The following PPP2R2D variants were observed in gnomAD, a reference collection of about 807,000 sequenced individuals.
The protein encoded by PPP2R2D is serine/threonine-protein phosphatase 2A 55 kDa regulatory subunit B delta isoform.
In PPP2R2D, 9 loss-of-function variants were observed where a neutral mutation model predicts 31.1. That is an observed-to-expected ratio of 0.29 (90% CI 0.17 to 0.51). The LOEUF (loss-of-function observed/expected upper bound fraction) is 0.51. Among genes scored for constraint, PPP2R2D ranks in the 20% least tolerant of loss-of-function variants. PPP2R2D has a pLI of 0.98. For missense variants in PPP2R2D, 391 were observed against 465.6 expected, an observed-to-expected ratio of 0.84 and a Z score of 1.48; for synonymous variants, 179 against 172.6, an observed-to-expected ratio of 1.04 and a Z score of -0.29.
chr10:131,960,302 GCA>G (rs1554901252), downstream of PPP2R2D, among the ~76,000 whole-genome samples: 1 of 152,244 alleles, frequency 6.6e-6, no homozygotes, highest in African/African-American at 2.4e-5. Context: ...TTAATGCTGA[GCA>G]CAGTTTTCAT....
At position 131,901,020 on chromosome 10, in the gene PPP2R2D, C is replaced by CGGCGGCGGCGGCGG. The variant is rs2035477974; in HGVS notation, c.-129_-128insGGCGGCGGCGGCGG. 1 of 153,606 alleles carries CGGCGGCGGCGGCGG rather than the reference C, an allele frequency of 6.5e-6. No individual in the cohort carries two copies. Among genetic ancestry groups the CGGCGGCGGCGGCGG allele is most frequent in the Admixed American group, 6.7e-5 (1 of 14,856 alleles). The allele number at this position is 153,606 out of a possible 1,614,324, so 9.5% of individuals were successfully genotyped here. On this transcript the variant is annotated 5_prime_UTR_variant, in exon 1 of 9. Transcript: ENST00000455566. ...TTTGAAAAGGGAAAAAAATCCCTCCCCGGCGGCGGCGGCGGCGGCGGCGGC... is the reference window on the plus strand; with the variant it reads ...TTTGAAAAGGGAAAAAAATCCCTCCCGGCGGCGGCGGCGGCGGCGGCGGCGGCGGCGGCGGCGGC...
intron 2 of PPP2R2D, among the ~76,000 whole-genome samples, chr10:131,910,938 C>G (rs1278119273): frequency 6.6e-6 from 1 of 152,140 alleles, no homozygotes; most frequent in Non-Finnish European, 1.5e-5. Context: ...GGAGGGGGGC[C>G]CACCCAGAGA....
chr10:131,907,008 T>C (rs2035600008), intron 2 of PPP2R2D, among the ~76,000 whole-genome samples: 1 of 151,826 alleles, frequency 6.6e-6, no homozygotes, highest in Admixed American at 6.6e-5. Context: ...GTGTGTCTTT[T>C]ATATATAATC....
chr10:131,932,375 G>GA (rs1282817201), intron 2 of PPP2R2D, among the ~76,000 whole-genome samples: 22 of 152,230 alleles, frequency 1.4e-4, no homozygotes, highest in African/African-American at 5.3e-4. Flanking sequence ...GAAGTTTATG[G>GA]TAGTTTAAAA....
intron 5 of PPP2R2D, among the ~76,000 whole-genome samples, chr10:131,941,876 G>A (rs924289263): frequency 6.6e-6 from 1 of 152,192 alleles, no homozygotes; most frequent in African/African-American, 2.4e-5. Flanking sequence ...TCATCAAAGC[G>A]AGAAAGGCTG....
chr10:131,953,331 ACTGTCTTAGTGACTTCCAGTTGTGCGG>A (rs1554899341), intron 8 of PPP2R2D, among the ~76,000 whole-genome samples: 21,622 of 97,572 alleles, frequency 0.22, 2,993 homozygotes, highest in East Asian at 0.3. Flanking sequence ...GCGGGGGTTC[ACTGTCTTAGTGACTTCCAGTTGTGCGG>A]GGGGTTCACT....
chr10:131,949,728 A>C (rs1313731811), intron 8 of PPP2R2D, among the ~76,000 whole-genome samples: 2 of 152,070 alleles, frequency 1.3e-5, no homozygotes. Context: ...TCTAGAAATG[A>C]CAAGTATGAT....
At chr10:131,921,489 A>T (rs1238755634) in intron 2 of PPP2R2D, among the ~76,000 whole-genome samples, 1 of 151,980 alleles carries the variant, frequency 6.6e-6, no homozygotes, top group Admixed American at 6.6e-5. Flanking sequence ...CTGGACCGGG[A>T]TGGGGGATGG....
At chr10:131,951,921 G>C (rs977802298) in intron 8 of PPP2R2D, among the ~76,000 whole-genome samples, 3 of 152,262 alleles carry the variant, frequency 2.0e-5, no homozygotes, top group Non-Finnish European at 2.9e-5. Flanking sequence ...TGGGATAGGA[G>C]ACCATCTTTC....
chr10:131,958,694 T>A lies in PPP2R2D; in HGVS notation c.*2731T>A. 1 of 261,100 alleles carries A rather than the reference T, an allele frequency of 3.8e-6. No homozygotes were observed. Among genetic ancestry groups the A allele is most frequent in the Non-Finnish European group, 7.4e-6 (1 of 135,698 alleles). The allele number at this position is 261,100 out of a possible 1,614,324, so 16.2% of individuals were successfully genotyped here. ...GATGTGTGCTGATCCCCCGTCCTCC[T>A]GTGGAGATGAAGGTGTGTGCTGCTT... On this transcript the variant is annotated 3_prime_UTR_variant, in exon 9 of 9. Transcript: ENST00000455566.
At chr10:131,965,345 A>AT in the PPP2R2D span, among the ~76,000 whole-genome samples, 14 of 152,314 alleles carry the variant, frequency 9.2e-5, no homozygotes, top group East Asian at 9.7e-4. Flanking sequence ...GGGCCCAGAA[A>AT]GTGGTGCTGC....
intron 2 of PPP2R2D, among the ~76,000 whole-genome samples, chr10:131,913,534 G>A (rs2035718584): frequency 6.6e-6 from 1 of 152,124 alleles, no homozygotes; most frequent in South Asian, 2.1e-4. Flanking sequence ...CCATGTTTGG[G>A]TCAGTAATGG....
chr10:131,925,295 CTT>C (rs1300906766), intron 2 of PPP2R2D, among the ~76,000 whole-genome samples: 1 of 152,248 alleles, frequency 6.6e-6, no homozygotes, highest in East Asian at 1.9e-4. Flanking sequence ...TTTAGGTACT[CTT>C]TGTCAAGTTG....
downstream of PPP2R2D, among the ~76,000 whole-genome samples, chr10:131,962,349 C>T (rs944494134): frequency 6.6e-6 from 1 of 152,212 alleles, no homozygotes; most frequent in African/African-American, 2.4e-5. Flanking sequence ...GTCACCTTCA[C>T]TCACTCACCA....
In PPP2R2D at chr10:131,903,490, AT is replaced by A. The variant is rs1452098144; in HGVS notation, c.100+2161del. Among the ~76,000 whole-genome samples the A allele has an allele frequency of 1.5e-4, 22 of 149,168 alleles. No homozygotes were observed. In the East Asian group the frequency reaches 3.7e-3, roughly 25 times the overall value. On this transcript the variant is annotated intron_variant, in intron 2 of 8. Transcript: ENST00000455566. The stretch of plus-strand genomic sequence containing the variant: ...TCAAAAAAAAAAAAAAAAAAAAAAA[AT>A]CTTGACAAATACTTTGTTCTCTGAA...
chr10:131,932,646 C>CAAAAAAAAAAAAAAAAAAAAAAA (rs368610703), intron 2 of PPP2R2D, among the ~76,000 whole-genome samples: 4 of 57,852 alleles, frequency 6.9e-5, no homozygotes, highest in Non-Finnish European at 9.3e-5. Context: ...CAGCCTGTCT[C>CAAAAAAAAAAAAAAAAAAAAAAA]AAAAAAAAAA....
intron 8 of PPP2R2D, among the ~76,000 whole-genome samples, chr10:131,954,232 T>C (rs1197509851): frequency 5.3e-5 from 8 of 152,250 alleles, no homozygotes; most frequent in Non-Finnish European, 1.0e-4. Flanking sequence ...CATAAATCTG[T>C]ATGAAAGCTG....
Position 131,955,904 on chromosome 10 carries a change from A to C in PPP2R2D, c.1303A>C (p.Asn435His). 1.9e-6 allele frequency: 3 copies of C among 1,591,492 alleles called. No individual in the cohort carries two copies. The highest frequency in any genetic ancestry group is 2.6e-6 in the Non-Finnish European group (3 of 1,167,534). The change falls in exon 9 of 9, where the codon AAT becomes CAT. Residue 435 changes from asparagine to histidine, a missense_variant. Transcript: ENST00000455566. ...ILHTAWHPVD[N>H]VIAVAATNNL... Reference sequence around the variant, plus strand: ...GCACACAGCCTGGCACCCCGTGGACAATGTCATTGCCGTGGCTGCCACCAA... The same window carrying C: ...GCACACAGCCTGGCACCCCGTGGACCATGTCATTGCCGTGGCTGCCACCAA...
intron 2 of PPP2R2D, among the ~76,000 whole-genome samples, chr10:131,928,024 G>A (rs1456483491): frequency 1.3e-5 from 2 of 152,194 alleles, no homozygotes; most frequent in Non-Finnish European, 2.9e-5. Context: ...TTTCAGAGTT[G>A]CTGTACCCAT....
Sources: allele counts gnomAD v4.1 joint callset (sites outside exome capture counted in the v4.1 genomes callset), GRCh38; gene constraint gnomAD v4.1.1; transcripts MANE v1.5; gene names NCBI Gene and HGNC (gene_info 2026-07-23, HGNC 2026-07-21).